BCKDK: variants seen among roughly 807,000 people sequenced by gnomAD.
The protein encoded by BCKDK is branched-chain alpha-ketoacid dehydrogenase kinase.
In BCKDK, 28 loss-of-function variants were observed where a neutral mutation model predicts 43.9. That is an observed-to-expected ratio of 0.64 (90% CI 0.47 to 0.87). The LOEUF is 0.87. Among genes scored for constraint, BCKDK ranks in the 40% least tolerant of loss-of-function variants. BCKDK has a pLI of 0.00. For synonymous variants in BCKDK, 257 were observed against 234.3 expected (o/e 1.10, Z -0.88); for missense variants, 483 against 581.4 (o/e 0.83, Z 1.74).
At chr16:31,111,513 A>G in intron 10 of BCKDK, 124 bp downstream of exon 10, 2 of 1,103,674 alleles carry the variant, frequency 1.8e-6, no homozygotes, top group South Asian at 1.4e-5. Context: ...TGACCAGACA[A>G]ACTATTCTCT....
Position 31,110,284 on chromosome 16 carries a change from T to C in BCKDK, c.503T>C (p.Leu168Pro), listed in dbSNP as rs1173912713. The C allele has an allele frequency of 3.1e-6, 5 of 1,613,924 alleles. No homozygotes were observed. Among genetic ancestry groups the C allele is most frequent in the Non-Finnish European group, 3.4e-6 (4 of 1,179,974 alleles). ...LLDDHKDVVT[L>P]LAEGLRESRK... is the part of the protein sequence containing the mutation. ...GATGACCACAAGGATGTGGTGACCC[T>C]CTTGGCAGAGGGCCTACGTGAGAGC... Residue 168 changes from leucine to proline, a missense_variant, in exon 6 of 12, where the codon CTC becomes CCC. Physicochemically the swap from Leu to Pro is moderately conservative, Grantham distance 98 (BLOSUM62 -3). Coordinates refer to ENST00000219794, the MANE Select transcript of BCKDK (RefSeq NM_005881.4). The surrounding 1 kb of genome is among the most constrained non-coding windows in gnomAD (Gnocchi z 5.4).
downstream of BCKDK, among the ~76,000 whole-genome samples, chr16:31,113,393 AG>A (rs1200747585): frequency 2.0e-5 from 3 of 152,218 alleles, no homozygotes; most frequent in Admixed American, 6.5e-5. Context: ...GCTGCAAGGC[AG>A]GGTGCTGAGG....
chr16:31,115,165 C>T (rs1438261797), downstream of BCKDK, among the ~76,000 whole-genome samples: 1 of 151,754 alleles, frequency 6.6e-6, no homozygotes. Flanking sequence ...TCAAGTAATC[C>T]ACCTGCTTCG....
rs754787544 is a variant in BCKDK, at chr16:31,110,218, C to T, written c.437C>T (p.Ala146Val). ...TGTGACCTGCAGATCAAGGACCAGG[C>T]GGACGAGGCCCAGTACTGCCAGCTG... Reference protein sequence around the residue: ...LTDFPPIKDQADEAQYCQLVR... With the variant: ...LTDFPPIKDQVDEAQYCQLVR... Residue 146 changes from alanine to valine, a missense_variant, in exon 6 of 12, where the codon GCG (alanine) becomes GTG (valine). Ala to Val is a moderately conservative substitution (Grantham distance 64). Coordinates refer to ENST00000219794, the MANE Select transcript of BCKDK (RefSeq NM_005881.4). The surrounding 1 kb of genome is among the most constrained non-coding windows in gnomAD (Gnocchi z 5.4). 1.4e-5 allele frequency: 22 copies of T among 1,614,030 alleles called. No individual in the cohort carries two copies. Among genetic ancestry groups the T allele is most frequent in the Admixed American group, 6.7e-5 (4 of 60,014 alleles).
chr16:31,110,187 T>C lies in BCKDK; in HGVS notation c.424-18T>C, dbSNP rs2057398856. Reference sequence around the variant, plus strand: ...GTTGGGCTTGGACCACCCTTCCTCATGACTCTGTGACCTGCAGATCAAGGA... The same window carrying C: ...GTTGGGCTTGGACCACCCTTCCTCACGACTCTGTGACCTGCAGATCAAGGA... On this transcript the variant is annotated intron_variant, in intron 5 of 11. Transcript: ENST00000219794. This position sits in a 1 kb window ranked among gnomAD's most constrained non-coding sequence, Gnocchi z 5.4. The C allele has an allele frequency of 6.2e-7, 1 of 1,614,082 alleles. No homozygotes were observed. Among genetic ancestry groups the C allele is most frequent in the Non-Finnish European group, 8.5e-7 (1 of 1,179,996 alleles).
rs773498072 is a variant in BCKDK at position 31,109,195 on chromosome 16, C to T, written c.-29C>T. 3 of 1,487,008 alleles carry T rather than the reference C, an allele frequency of 2.0e-6. No homozygotes were observed. The highest frequency in any genetic ancestry group is 1.4e-5 in the South Asian group (1 of 72,372). The allele number at this position is 1,487,008 out of a possible 1,614,324, so 92.1% of individuals were successfully genotyped here. ...AGTCCTAGCGGATCCTCAGTCCTAG[C>T]GGCCACCGGGTCTGAAAGGAGCAAG... On this transcript the variant is annotated 5_prime_UTR_variant, in exon 2 of 12. Transcript: ENST00000219794. The surrounding 1 kb of genome is among the most constrained non-coding windows in gnomAD (Gnocchi z 5.3).
chr16:31,109,434 G>A lies in BCKDK; in HGVS notation c.195+16G>A. On this transcript the variant is annotated intron_variant, in intron 2 of 11. Coordinates refer to ENST00000219794, the MANE Select transcript of BCKDK (RefSeq NM_005881.4). This position sits in a 1 kb window ranked among gnomAD's most constrained non-coding sequence, Gnocchi z 5.3. Reference sequence around the variant, plus strand: ...AGCGGAGAAGGTGCGCAAGGGGGCAGCCAGCCCAGGGTCCGGGATGTAGGC... The same window carrying A: ...AGCGGAGAAGGTGCGCAAGGGGGCAACCAGCCCAGGGTCCGGGATGTAGGC... 1 of 1,612,016 alleles carries A rather than the reference G, an allele frequency of 6.2e-7. No individual in the cohort carries two copies.
chr16:31,112,319 G>A lies in BCKDK; in HGVS notation c.*54G>A, dbSNP rs1256716398. On this transcript the variant is annotated 3_prime_UTR_variant, in exon 12 of 12. Coordinates refer to ENST00000219794, the MANE Select transcript of BCKDK (RefSeq NM_005881.4). This position sits in a 1 kb window ranked among gnomAD's most constrained non-coding sequence, Gnocchi z 5.0. ...CCAGCCTGGGCCGCATTCCCTGCAGGACCTCCCGGGTCAGGCAGGGCGGCC... is the reference window on the plus strand; with the variant it reads ...CCAGCCTGGGCCGCATTCCCTGCAGAACCTCCCGGGTCAGGCAGGGCGGCC... 2 of 1,600,330 alleles carry A rather than the reference G, an allele frequency of 1.2e-6. No individual in the cohort carries two copies. Among genetic ancestry groups the A allele is most frequent in the African/African-American group, 2.7e-5 (2 of 74,922 alleles).
At chr16:31,111,058 G>A (rs747833411) in intron 8 of BCKDK, 33 bp from the exon 9 acceptor site, 2 of 1,611,076 alleles carry the variant, frequency 1.2e-6, no homozygotes, top group Non-Finnish European at 1.7e-6. Flanking sequence ...CTGGTGGAGG[G>A]GCCCCTGACT....
At position 31,110,162 on chromosome 16, in the gene BCKDK, G is replaced by A. The variant is rs1213436048; in HGVS notation, c.423+38G>A. 2 of 1,614,200 alleles carry A rather than the reference G, an allele frequency of 1.2e-6. No individual in the cohort carries two copies. The highest frequency in any genetic ancestry group is 2.2e-5 in the South Asian group (2 of 91,088). ...CCAGAGCAGGGTGAGGGGCTGAGAGGTTGGGCTTGGACCACCCTTCCTCAT... is the reference window on the plus strand; with the variant it reads ...CCAGAGCAGGGTGAGGGGCTGAGAGATTGGGCTTGGACCACCCTTCCTCAT... On this transcript the variant is annotated intron_variant, in intron 5 of 11. Coordinates refer to ENST00000219794, the MANE Select transcript of BCKDK (RefSeq NM_005881.4). This position sits in a 1 kb window ranked among gnomAD's most constrained non-coding sequence, Gnocchi z 5.4.
downstream of BCKDK, among the ~76,000 whole-genome samples, chr16:31,115,346 C>G (rs2057439629): frequency 6.6e-6 from 1 of 151,970 alleles, no homozygotes; most frequent in Admixed American, 6.5e-5. Flanking sequence ...CCTCAGCCTC[C>G]CGAGTAGCTG....
Position 31,110,622 on chromosome 16 carries a change from G to C in BCKDK, c.643-66G>C. 1 of 1,594,902 alleles carries C rather than the reference G, an allele frequency of 6.3e-7. No homozygotes were observed. The highest frequency in any genetic ancestry group is 8.6e-7 in the Non-Finnish European group (1 of 1,162,888). On this transcript the variant is annotated intron_variant, in intron 7 of 11. Transcript: ENST00000219794. The surrounding 1 kb of genome is among the most constrained non-coding windows in gnomAD (Gnocchi z 5.4). The stretch of plus-strand genomic sequence containing the variant: ...GGGGCTGGTGCTTTGGGGCAGTTCC[G>C]AAGTTGCCAGCATCTTGGGGTGGGG...
At chr16:31,111,470 G>A in intron 10 of BCKDK, 81 bp downstream of exon 10, 1 of 1,428,772 alleles carries the variant, frequency 7.0e-7, no homozygotes, top group South Asian at 1.2e-5. Context: ...AGGACCTTGA[G>A]CCCCTTCCTG....
At position 31,111,882 on chromosome 16, in the gene BCKDK, G is replaced by A. The variant is rs1455297389; in HGVS notation, c.949G>A (p.Gly317Ser). 1.2e-6 allele frequency: 2 copies of A among 1,614,136 alleles called. No homozygotes were observed. The highest frequency in any genetic ancestry group is 1.7e-6 in the Non-Finnish European group (2 of 1,180,008). ...CCATCTTGCTAGGATCTCAGACCGT[G>A]GTGGAGGAATCGCTCACAAAGATCT... ...VDLIIRISDR[G>S]GGIAHKDLDR... The change falls in exon 11 of 12, where the codon GGT (glycine) becomes AGT (serine). Residue 317 changes from glycine (G) to serine (S), a missense_variant. By Grantham distance (56) the Gly-to-Ser change is moderately conservative. Transcript: ENST00000219794.
chr16:31,110,602 T>C lies in BCKDK; in HGVS notation c.643-86T>C. 1.3e-6 allele frequency: 2 copies of C among 1,587,130 alleles called. No individual in the cohort carries two copies. The highest frequency in any genetic ancestry group is 1.7e-5 in the Admixed American group (1 of 59,920). ...GGCCTGGGGGCTGAGGCTGTGGGGCTGGTGCTTTGGGGCAGTTCCGAAGTT... is the reference window on the plus strand; with the variant it reads ...GGCCTGGGGGCTGAGGCTGTGGGGCCGGTGCTTTGGGGCAGTTCCGAAGTT... On this transcript the variant is annotated intron_variant, in intron 7 of 11. Coordinates refer to ENST00000219794, the MANE Select transcript of BCKDK (RefSeq NM_005881.4). This position sits in a 1 kb window ranked among gnomAD's most constrained non-coding sequence, Gnocchi z 5.4.
At chr16:31,116,740 A>C (rs1179938534), downstream of BCKDK, among the ~76,000 whole-genome samples, 2 of 133,782 alleles carry the variant, frequency 1.5e-5, no homozygotes, top group Admixed American at 7.7e-5. Context: ...AACAGGGTGA[A>C]GCCCTCTCTC....
rs757631135 is a variant in BCKDK at position 31,110,757 on chromosome 16, G to A, written c.712G>A (p.Ala238Thr). Residue 238 changes from alanine to threonine, a missense_variant, in exon 8 of 12, where the codon GCC (alanine) becomes ACC (threonine). Transcript: ENST00000219794. The surrounding 1 kb of genome is among the most constrained non-coding windows in gnomAD (Gnocchi z 5.4). ...KKIIEKWVDFARRLCEHKYGN... is the reference protein window; with the variant it reads ...KKIIEKWVDFTRRLCEHKYGN... Reference sequence around the variant, plus strand: ...GATTATTGAGAAGTGGGTGGACTTTGCCAGGTGAGGCAAGAATGGCTCAGG... The same window carrying A: ...GATTATTGAGAAGTGGGTGGACTTTACCAGGTGAGGCAAGAATGGCTCAGG... 6.2e-7 allele frequency: 1 copy of A among 1,614,054 alleles called. No homozygotes were observed. Among genetic ancestry groups the A allele is most frequent in the Admixed American group, 1.7e-5 (1 of 60,020 alleles).
chr16:31,112,376 T>C lies in BCKDK; in HGVS notation c.*111T>C. 1.3e-6 allele frequency: 2 copies of C among 1,515,426 alleles called. No individual in the cohort carries two copies. The highest frequency in any genetic ancestry group is 1.8e-6 in the Non-Finnish European group (2 of 1,110,610). The allele number at this position is 1,515,426 out of a possible 1,614,324, so 93.9% of individuals were successfully genotyped here. ...TCCACACACTGCTGCATCTTGGGTC[T>C]CAGGGACCCAGACAGATGGACTTAC... On this transcript the variant is annotated 3_prime_UTR_variant, in exon 12 of 12. Transcript: ENST00000219794. The surrounding 1 kb of genome is among the most constrained non-coding windows in gnomAD (Gnocchi z 5.0).
chr16:31,110,963 A>G lies in BCKDK; in HGVS notation c.717-128A>G. The G allele has an allele frequency of 6.8e-7, 1 of 1,461,786 alleles. No homozygotes were observed. Among genetic ancestry groups the G allele is most frequent in the Non-Finnish European group, 9.3e-7 (1 of 1,071,724 alleles). 90.6% of individuals were successfully genotyped at this position (1,461,786 alleles called of 1,614,324 possible). A position where few individuals can be genotyped will look rare whatever the true frequency, so the allele number is the denominator to read the frequency against. ...CAGCAGCATCCCTGGCGCCAGCAGT[A>G]CTGCCTAGTTGTGACAAACAAAAAT... On this transcript the variant is annotated intron_variant, in intron 8 of 11. Transcript: ENST00000219794. This position sits in a 1 kb window ranked among gnomAD's most constrained non-coding sequence, Gnocchi z 5.4.
Sources: allele counts gnomAD v4.1 joint callset (sites outside exome capture counted in the v4.1 genomes callset), GRCh38; gene constraint gnomAD v4.1.1; non-coding constraint Gnocchi (gnomAD v3.1); transcripts MANE v1.5; gene names NCBI Gene and HGNC (gene_info 2026-07-23, HGNC 2026-07-21).